The following ACTN4 variants were observed in gnomAD, a reference collection of about 807,000 sequenced individuals.
ACTN4 encodes alpha-actinin-4.
Under a neutral mutation model 114.2 loss-of-function variants are expected in ACTN4, and 18 were observed. The ratio of observed to expected loss-of-function variants is 0.16; its 90% CI spans 0.11 to 0.23. The LOEUF is 0.23. Ranked by LOEUF, ACTN4 falls within the 10% of genes least tolerant of loss-of-function variation. The pLI is 1.00. For missense variants in ACTN4, 722 were observed against 1,262.9 expected (o/e 0.57, Z 6.49); for synonymous variants, 515 against 506.3 (o/e 1.02, Z -0.23).
At chr19:38,713,822 C>A (rs1968747368) in intron 8 of ACTN4, among the ~76,000 whole-genome samples, 1 of 152,186 alleles carries the variant, frequency 6.6e-6, no homozygotes, top group Non-Finnish European at 1.5e-5. Context: ...GCACCCCCTG[C>A]CTCCTCTACA....
At chr19:38,704,563 C>T (rs770440441) in intron 3 of ACTN4, among the ~76,000 whole-genome samples, 7 of 152,256 alleles carry the variant, frequency 4.6e-5, no homozygotes, top group Non-Finnish European at 8.8e-5. Context: ...ACGCAGATTA[C>T]GGCAGAAATG....
At chr19:38,687,650 C>A (rs1023197245) in intron 1 of ACTN4, among the ~76,000 whole-genome samples, 1 of 152,160 alleles carries the variant, frequency 6.6e-6, no homozygotes, top group Admixed American at 6.5e-5. Flanking sequence ...GGATCAGATA[C>A]CTAAATGTAA....
chr19:38,704,523 G>T (rs1968388577), intron 3 of ACTN4, among the ~76,000 whole-genome samples: 1 of 152,270 alleles, frequency 6.6e-6, no homozygotes. Context: ...GAGAGTGGGG[G>T]CCCGGGGTGC....
At chr19:38,696,226 C>T (rs2144975046) in intron 1 of ACTN4, among the ~76,000 whole-genome samples, 1 of 152,258 alleles carries the variant, frequency 6.6e-6, no homozygotes, top group East Asian at 1.9e-4. Flanking sequence ...CCTGGAGCCT[C>T]ATGAGAGTGT....
chr19:38,714,822 A>T (rs1968786091), intron 9 of ACTN4, among the ~76,000 whole-genome samples: 1 of 152,210 alleles, frequency 6.6e-6, no homozygotes, highest in Non-Finnish European at 1.5e-5. Context: ...GCTCAGGGAC[A>T]GTGTTTCCTG....
rs535912898 is a variant in ACTN4, at chr19:38,702,007, C to T, written c.397+886C>T. Among the ~76,000 whole-genome samples, 236 of 152,340 alleles carry T rather than the reference C, an allele frequency of 1.5e-3. 1 individual carries two copies. The highest frequency in any genetic ancestry group is 5.6e-3 in the African/African-American group (231 of 41,576). ...CTGCGATGAGGGGTGCCAAGCCTTG[C>T]ATGCCACAGTCGAGGTGGTTGGTGT... On this transcript the variant is annotated intron_variant, in intron 3 of 20. Transcript: ENST00000252699.
At chr19:38,660,180 C>A (rs1283207086) in intron 1 of ACTN4, among the ~76,000 whole-genome samples, 6 of 152,180 alleles carry the variant, frequency 3.9e-5, no homozygotes, top group Admixed American at 3.9e-4. Context: ...CTTTGGCCTC[C>A]CAGAGTGCTG....
chr19:38,654,284 G>A (rs1406698908), intron 1 of ACTN4, among the ~76,000 whole-genome samples: 2 of 152,278 alleles, frequency 1.3e-5, no homozygotes, highest in African/African-American at 4.8e-5. Context: ...TGAAATCGCC[G>A]GGTGTGGTGG....
At chr19:38,686,685 G>A (rs999401693) in intron 1 of ACTN4, among the ~76,000 whole-genome samples, 36 of 152,242 alleles carry the variant, frequency 2.4e-4, no homozygotes, top group African/African-American at 8.7e-4. Flanking sequence ...CACCTGCCTT[G>A]GGTTGAGACC....
At chr19:38,700,960 C>T in intron 2 of ACTN4, 42 bp from the exon 3 acceptor site, 2 of 1,608,860 alleles carry the variant, frequency 1.2e-6, no homozygotes, top group South Asian at 1.1e-5. Context: ...CCCTTTCTCT[C>T]TCTCTGTCTC....
In ACTN4 at chr19:38,707,420, A is replaced by G. The variant is rs139231631; in HGVS notation, c.573-697A>G. ...TGAGAAGTGCTGCACAAAGACAGGGAAGTCAGATGAAGAAAGTTCCCTGGG... is the reference window on the plus strand; with the variant it reads ...TGAGAAGTGCTGCACAAAGACAGGGGAGTCAGATGAAGAAAGTTCCCTGGG... On this transcript the variant is annotated intron_variant, in intron 5 of 20. Coordinates refer to ENST00000252699, the MANE Select transcript of ACTN4 (RefSeq NM_004924.6). Among the ~76,000 whole-genome samples the G allele has an allele frequency of 2.3e-3, 353 of 152,148 alleles. 2 individuals carry two copies. Among genetic ancestry groups the G allele is most frequent in the African/African-American group, 8.3e-3 (344 of 41,514 alleles).
rs1251239655 is a variant in ACTN4, at chr19:38,705,132, C to CA, written c.484+113dup. The CA allele has an allele frequency of 4.8e-6, 5 of 1,051,064 alleles. No homozygotes were observed. In the East Asian group the frequency reaches 1.2e-4, roughly 26 times the overall value. The allele number at this position is 1,051,064 out of a possible 1,614,324, so 65.1% of individuals were successfully genotyped here. A position where few individuals can be genotyped will look rare whatever the true frequency, so the allele number is the denominator to read the frequency against. ...CTCTTCCTGTTTCCTTGGGGTCACT[C>CA]ACAGGGCCTGGCCCTTGCAGGGGTA... On this transcript the variant is annotated intron_variant, in intron 4 of 20. Coordinates refer to ENST00000252699, the MANE Select transcript of ACTN4 (RefSeq NM_004924.6).
intron 1 of ACTN4, among the ~76,000 whole-genome samples, chr19:38,694,820 T>C (rs1443759093): frequency 2.6e-5 from 4 of 152,206 alleles, no homozygotes; most frequent in South Asian, 2.1e-4. Flanking sequence ...TTAGCCGTTA[T>C]AGCATAATTA....
At chr19:38,713,008 G>A (rs1414702955) in intron 8 of ACTN4, among the ~76,000 whole-genome samples, 1 of 152,144 alleles carries the variant, frequency 6.6e-6, no homozygotes, top group East Asian at 1.9e-4. Context: ...TGGTCAGAAA[G>A]GAAAGTGCTG....
At chr19:38,648,530 T>A (rs1300096922) in intron 1 of ACTN4, among the ~76,000 whole-genome samples, 1 of 151,004 alleles carries the variant, frequency 6.6e-6, no homozygotes, top group Admixed American at 6.6e-5. Context: ...AAACAGGGGC[T>A]AAGGGTAGAA....
At chr19:38,685,568 C>T (rs1967717065) in intron 1 of ACTN4, among the ~76,000 whole-genome samples, 1 of 152,190 alleles carries the variant, frequency 6.6e-6, no homozygotes, top group Non-Finnish European at 1.5e-5. Context: ...ATAAAGGCCC[C>T]TAATCCTCTC....
chr19:38,690,239 T>G lies in ACTN4; in HGVS notation c.163-10361T>G, dbSNP rs1027074373. Among the ~76,000 whole-genome samples, 28 of 152,354 alleles carry G rather than the reference T, an allele frequency of 1.8e-4. No individual in the cohort carries two copies. In the East Asian group the frequency reaches 3.5e-3, roughly 19 times the overall value. On this transcript the variant is annotated intron_variant, in intron 1 of 20. Transcript: ENST00000252699. Reference sequence around the variant, plus strand: ...CACACTCTTCTGGTCCACGTTTGTTTTGGCTTGAGCTGAGCTTTCGCTCAC... The same window carrying G: ...CACACTCTTCTGGTCCACGTTTGTTGTGGCTTGAGCTGAGCTTTCGCTCAC...
At chr19:38,661,632 G>A (rs962722656) in intron 1 of ACTN4, among the ~76,000 whole-genome samples, 4 of 152,138 alleles carry the variant, frequency 2.6e-5, no homozygotes, top group Admixed American at 1.3e-4. Flanking sequence ...TATTGTAGAA[G>A]ATGGCAGCCT....
chr19:38,712,552 C>T (rs921914757), intron 8 of ACTN4, among the ~76,000 whole-genome samples: 3 of 152,080 alleles, frequency 2.0e-5, no homozygotes, highest in South Asian at 2.1e-4. Context: ...TTCCCAGCCT[C>T]GGGCCAGAAA....
Sources: allele counts gnomAD v4.1 joint callset (sites outside exome capture counted in the v4.1 genomes callset), GRCh38; gene constraint gnomAD v4.1.1; transcripts MANE v1.5; gene names NCBI Gene and HGNC (gene_info 2026-07-23, HGNC 2026-07-21).